COL14A1: variants seen among roughly 807,000 people sequenced by gnomAD.
The protein encoded by COL14A1 is collagen type XIV alpha 1 chain, also known as collagen alpha-1(XIV) chain.
Under a neutral mutation model 230.3 loss-of-function variants are expected in COL14A1, and 136 were observed. That is an observed-to-expected ratio of 0.59 (90% CI 0.51 to 0.68). The LOEUF is 0.68. Ranked by LOEUF, COL14A1 falls within the 30% of genes least tolerant of loss-of-function variation. COL14A1 has a pLI of 0.00. For synonymous variants in COL14A1, 792 were observed against 784.1 expected, an observed-to-expected ratio of 1.01 and a Z score of -0.17; for missense variants, 1,976 against 2,215.8, an observed-to-expected ratio of 0.89 and a Z score of 2.17.
intron 19 of COL14A1, among the ~76,000 whole-genome samples, chr8:120,239,699 T>C (rs1818555558): frequency 6.6e-6 from 1 of 151,300 alleles, no homozygotes; most frequent in Non-Finnish European, 1.5e-5. Context: ...TGGTTAGGAA[T>C]GGTAATTAAA....
intron 4 of COL14A1, among the ~76,000 whole-genome samples, chr8:120,165,206 C>A (rs529589359): frequency 1.3e-5 from 2 of 152,274 alleles, no homozygotes; most frequent in East Asian, 3.9e-4. Context: ...TATTCTTGCT[C>A]TCTGTGAGAC....
intron 22 of COL14A1, 63 bp downstream of exon 22, chr8:120,250,829 A>T: frequency 6.3e-7 from 1 of 1,578,548 alleles, no homozygotes; most frequent in Non-Finnish European, 8.6e-7. Context: ...GTTTTTTGAG[A>T]TGGAGTCTCG....
At chr8:120,267,648 C>T (rs181509632) in intron 25 of COL14A1, among the ~76,000 whole-genome samples, 5 of 151,930 alleles carry the variant, frequency 3.3e-5, no homozygotes, top group Admixed American at 2.0e-4. Context: ...ATGAATAGCA[C>T]TCGGTGTCAA....
rs1329993807 is a variant in COL14A1 at position 120,208,248 on chromosome 8, C to G, written c.1208C>G (p.Thr403Ser). The G allele has an allele frequency of 6.2e-7, 1 of 1,612,086 alleles. No homozygotes were observed. Among genetic ancestry groups the G allele is most frequent in the East Asian group, 2.2e-5 (1 of 44,860 alleles). ...TTTAAACAGGTGGTGGTAGATGGAA[C>G]TGTATCTTCCACAGTGTTGAAAAAC... ...GKPDEVVVDG[T>S]VSSTVLKNLM... The change falls in exon 11 of 48, where the codon ACT (threonine) becomes AGT (serine). Residue 403 changes from threonine to serine, a missense_variant. By Grantham distance (58) the Thr-to-Ser change is moderately conservative (BLOSUM62 1). Coordinates refer to ENST00000297848, the MANE Select transcript of COL14A1 (RefSeq NM_021110.4).
chr8:120,212,346 G>T, intron 12 of COL14A1, 102 bp from the exon 13 acceptor site: 2 of 1,190,014 alleles, frequency 1.7e-6, no homozygotes, highest in Non-Finnish European at 2.4e-6. Flanking sequence ...GTAACAGGAC[G>T]TAAAGTCTTA....
At chr8:120,199,135 A>T (rs1476982340) in intron 7 of COL14A1, among the ~76,000 whole-genome samples, 1 of 152,184 alleles carries the variant, frequency 6.6e-6, no homozygotes, top group Admixed American at 6.6e-5. Context: ...GAAATCTATT[A>T]TCATCCATTG....
Position 120,194,036 on chromosome 8 carries a change from C to T in COL14A1, c.437-2755C>T, listed in dbSNP as rs558542691. ...CAATGCCTCGCCCTGCTTCGGCTCG[C>T]GCACGGTGCGCTGCACCCACTGTCC... On this transcript the variant is annotated intron_variant, in intron 5 of 47. Transcript: ENST00000297848. 3.0e-3 allele frequency among the ~76,000 whole-genome samples: 455 copies of T among 152,308 alleles called. 1 individual carries two copies. The highest frequency in any genetic ancestry group is 0.013 in the South Asian group (65 of 4,824).
intron 1 of COL14A1, among the ~76,000 whole-genome samples, chr8:120,145,820 T>C (rs1383823013): frequency 6.6e-6 from 1 of 152,208 alleles, no homozygotes; most frequent in Admixed American, 6.5e-5. Flanking sequence ...ATACCGCATA[T>C]AGTAAAAGGG....
chr8:120,193,810 G>A (rs886105025), intron 5 of COL14A1, among the ~76,000 whole-genome samples: 6 of 152,180 alleles, frequency 3.9e-5, no homozygotes, highest in Non-Finnish European at 8.8e-5. Context: ...AGACTGCTGT[G>A]CTAGCAATCA....
intron 24 of COL14A1, among the ~76,000 whole-genome samples, chr8:120,266,540 T>C (rs1221539078): frequency 1.3e-5 from 2 of 152,092 alleles, no homozygotes; most frequent in Admixed American, 6.6e-5. Context: ...GATTCCTGCC[T>C]TAAATCAACA....
intron 4 of COL14A1, 22 bp downstream of exon 4, chr8:120,162,591 A>G (rs1448065552): frequency 1.3e-5 from 21 of 1,587,990 alleles, no homozygotes; most frequent in Non-Finnish European, 1.8e-5. Flanking sequence ...CAGTTCTCAA[A>G]GCACCTCCGC....
At chr8:120,230,562 A>G (rs913674767) in intron 18 of COL14A1, among the ~76,000 whole-genome samples, 3 of 151,670 alleles carry the variant, frequency 2.0e-5, no homozygotes, top group African/African-American at 7.3e-5. Flanking sequence ...TTCTCTTGCA[A>G]TCCCGAACTC....
chr8:120,316,247 A>G (rs1001383117), intron 40 of COL14A1, among the ~76,000 whole-genome samples: 2 of 152,184 alleles, frequency 1.3e-5, no homozygotes, highest in African/African-American at 4.8e-5. Flanking sequence ...GAGTGCTCCC[A>G]TGACCTGAAT....
At chr8:120,168,833 A>G (rs1325934355) in intron 5 of COL14A1, among the ~76,000 whole-genome samples, 1 of 152,062 alleles carries the variant, frequency 6.6e-6, no homozygotes, top group Non-Finnish European at 1.5e-5. Context: ...GGGATAGACT[A>G]TTATAATTTA....
At chr8:120,196,684 A>T in intron 5 of COL14A1, 107 bp from the exon 6 acceptor site, 9 of 1,088,040 alleles carry the variant, frequency 8.3e-6, no homozygotes, top group Non-Finnish European at 1.2e-5. Flanking sequence ...TCCTACGGGA[A>T]CTCTTTTGTA....
chr8:120,176,920 T>G (rs1586740257), intron 5 of COL14A1, among the ~76,000 whole-genome samples: 2 of 152,272 alleles, frequency 1.3e-5, no homozygotes, highest in South Asian at 4.1e-4. Flanking sequence ...ATCTAGATAG[T>G]TGACATGGTG....
intron 42 of COL14A1, among the ~76,000 whole-genome samples, chr8:120,334,899 G>A (rs1821998769): frequency 6.6e-6 from 1 of 152,176 alleles, no homozygotes; most frequent in Non-Finnish European, 1.5e-5. Flanking sequence ...GGAAGTTTTA[G>A]GACATGAAAG....
intron 40 of COL14A1, among the ~76,000 whole-genome samples, chr8:120,327,388 T>C (rs145059856): frequency 2.4e-3 from 363 of 152,302 alleles, no homozygotes; most frequent in African/African-American, 8.3e-3. Context: ...GAGCTCCCCA[T>C]GGGATCAGGC....
intron 23 of COL14A1, among the ~76,000 whole-genome samples, chr8:120,261,641 T>C (rs894983387): frequency 6.6e-6 from 1 of 152,208 alleles, no homozygotes; most frequent in Non-Finnish European, 1.5e-5. Flanking sequence ...GAGTTCTTTG[T>C]GCCTCTGTCA....
Sources: allele counts gnomAD v4.1 joint callset (sites outside exome capture counted in the v4.1 genomes callset), GRCh38; gene constraint gnomAD v4.1.1; transcripts MANE v1.5; gene names NCBI Gene and HGNC (gene_info 2026-07-23, HGNC 2026-07-21).